Variants in NEMF observed in about 807,000 individuals in gnomAD.
NEMF encodes ribosome quality control complex subunit NEMF.
A neutral mutation model predicts 162.2 loss-of-function variants in NEMF; 89 were observed. The observed-to-expected ratio is 0.55, with a 90% CI of 0.46 to 0.65. The LOEUF (loss-of-function observed/expected upper bound fraction) is 0.65, where lower values mean the gene tolerates loss of function less well. NEMF is among the 30% of genes least tolerant of loss of function. The pLI is 0.00. For missense variants in NEMF, 1,133 were observed against 1,261.9 expected, an observed-to-expected ratio of 0.90 and a Z score of 1.55; for synonymous variants, 421 against 404.5, an observed-to-expected ratio of 1.04 and a Z score of -0.49.
chr14:49,786,003 G>C (rs1264734294), intron 29 of NEMF: 1 of 152,454 alleles, frequency 6.6e-6, no homozygotes, highest in Non-Finnish European at 1.5e-5. Context: ...CTATCACATG[G>C]AAATGGGACT....
Position 49,793,107 on chromosome 14 carries a change from T to C in NEMF, c.2619+2684A>G, listed in dbSNP as rs899501990. ...ACCCAAAGGAAACATCCCGCAATGA[T>C]AAAATCTTAGAAACAGTTCCTGTAA... On this transcript the variant is annotated intron_variant, in intron 26 of 32. Coordinates refer to ENST00000298310, the MANE Select transcript of NEMF (RefSeq NM_004713.6). Among the ~76,000 whole-genome samples, 4 of 152,144 alleles carry C rather than the reference T, an allele frequency of 2.6e-5. No homozygotes were observed. The East Asian group carries it at 7.7e-4, about 29-fold the overall frequency.
intron 16 of NEMF, among the ~76,000 whole-genome samples, chr14:49,824,843 A>C (rs1892260519): frequency 6.6e-6 from 1 of 152,214 alleles, no homozygotes; most frequent in African/African-American, 2.4e-5. Flanking sequence ...CCAAGAAAGA[A>C]GTATGAGATC....
rs1047509867 is a variant in NEMF, at chr14:49,784,988, C to T, written c.3090G>A (p.Leu1030=). ...CTTCTTTGGAATGCATGAAACTATT[C>T]AAGGCTGTTTTTGCAGCTGTAAATA... ...QKKGKAAKTA[L]NSFMHSKEAT... is the part of the protein sequence containing the mutation. Residue 1030 remains leucine, a synonymous_variant, in exon 32 of 33, where the codon TTG becomes TTA. Coordinates refer to ENST00000298310, the MANE Select transcript of NEMF (RefSeq NM_004713.6). 1.2e-6 allele frequency: 2 copies of T among 1,613,834 alleles called. No homozygotes were observed. Among genetic ancestry groups the T allele is most frequent in the Admixed American group, 1.7e-5 (1 of 59,984 alleles).
intron 20 of NEMF, 124 bp from the exon 21 acceptor site, chr14:49,802,851 C>T: frequency 8.7e-6 from 6 of 688,452 alleles, no homozygotes; most frequent in Non-Finnish European, 1.5e-5. Context: ...TTTACTATGT[C>T]AAGAATAACA....
intron 19 of NEMF, among the ~76,000 whole-genome samples, chr14:49,804,470 G>A (rs1213658661): frequency 1.3e-5 from 2 of 151,298 alleles, no homozygotes; most frequent in Non-Finnish European, 2.9e-5. Flanking sequence ...GAGGTCAGGA[G>A]TTCAAGACCA....
rs1453344737 is a variant in NEMF at position 49,800,630 on chromosome 14, A to C, written c.2162T>G (p.Met721Arg). ...GATATCCTCTTGGTCAACCTGAGTC[A>C]TGAGTTCTACTTCCACAGGAGTTTC... ...EHETPVEVEL[M>R]TQVDQEDITL... Residue 721 changes from methionine (M) to arginine (R), a missense_variant, in exon 23 of 33, where the codon ATG becomes AGG. Coordinates refer to ENST00000298310, the MANE Select transcript of NEMF (RefSeq NM_004713.6). 6.2e-7 allele frequency: 1 copy of C among 1,613,952 alleles called. No homozygotes were observed. The highest frequency in any genetic ancestry group is 8.5e-7 in the Non-Finnish European group (1 of 1,179,898).
At chr14:49,788,004 G>A (rs966742807) in intron 28 of NEMF, among the ~76,000 whole-genome samples, 7 of 152,034 alleles carry the variant, frequency 4.6e-5, no homozygotes, top group African/African-American at 1.4e-4. Context: ...AACAGGCTGG[G>A]CATGTGTCTT....
chr14:49,821,854 T>C (rs959108928), intron 16 of NEMF, among the ~76,000 whole-genome samples: 2 of 151,946 alleles, frequency 1.3e-5, no homozygotes, highest in African/African-American at 4.8e-5. Context: ...AATGGCGGTT[T>C]TGTGGAATAG....
At position 49,831,198 on chromosome 14, in the gene NEMF, ACTT is replaced by A. The variant is rs1892616962; in HGVS notation, c.945+98_945+100del. 6 of 683,752 alleles carry A rather than the reference ACTT, an allele frequency of 8.8e-6. No homozygotes were observed. The East Asian group carries it at 1.3e-4, about 15-fold the overall frequency. 42.4% of individuals were successfully genotyped at this position (683,752 alleles called of 1,614,324 possible). A position where few individuals can be genotyped will look rare whatever the true frequency, so the allele number is the denominator to read the frequency against. On this transcript the variant is annotated intron_variant, in intron 11 of 32. Coordinates refer to ENST00000298310, the MANE Select transcript of NEMF (RefSeq NM_004713.6). ...AGGCAGGTCAGAGAGTTCCCATACT[ACTT>A]CTTACACTCTTTCTGAAAGGCTACC...
At chr14:49,790,755 CTGGGTAGG>C (rs1890401686) in intron 26 of NEMF, among the ~76,000 whole-genome samples, 1 of 152,094 alleles carries the variant, frequency 6.6e-6, no homozygotes, top group African/African-American at 2.4e-5. Flanking sequence ...TTTGGGAGGT[CTGGGTAGG>C]TGGATCACCT....
intron 1 of NEMF, among the ~76,000 whole-genome samples, chr14:49,852,157 A>C (rs546887369): frequency 1.7e-5 from 2 of 115,676 alleles, no homozygotes; most frequent in Admixed American, 2.1e-4. Context: ...TAATCCAATT[A>C]ATTTATTACA....
At chr14:49,814,609 C>T in intron 17 of NEMF, 145 bp downstream of exon 17, 1 of 551,836 alleles carries the variant, frequency 1.8e-6, no homozygotes, top group Middle Eastern at 4.7e-4. Flanking sequence ...ACATATGCAA[C>T]AAACCATGAA....
chr14:49,830,205 C>T (rs1020094731), intron 11 of NEMF, among the ~76,000 whole-genome samples: 1 of 152,024 alleles, frequency 6.6e-6, no homozygotes, highest in Non-Finnish European at 1.5e-5. Flanking sequence ...AAAATAATTA[C>T]CAAAATAAAT....
At chr14:49,842,069 C>A (rs986946436) in intron 4 of NEMF, among the ~76,000 whole-genome samples, 1 of 151,428 alleles carries the variant, frequency 6.6e-6, no homozygotes, top group Non-Finnish European at 1.5e-5. Flanking sequence ...CACGCCATTG[C>A]ACTCCAGCCT....
intron 26 of NEMF, 138 bp from the exon 27 acceptor site, chr14:49,789,711 G>A (rs1890352563): frequency 8.0e-7 from 1 of 1,243,634 alleles, no homozygotes; most frequent in South Asian, 1.6e-5. Flanking sequence ...TAAACAATAT[G>A]AAGGCTACAA....
chr14:49,841,857 G>T (rs956635334), intron 4 of NEMF, among the ~76,000 whole-genome samples: 1 of 152,252 alleles, frequency 6.6e-6, no homozygotes, highest in Non-Finnish European at 1.5e-5. Flanking sequence ...TGTAATCCCA[G>T]CACTGTGGGA....
chr14:49,851,213 C>A (rs1211785300), intron 3 of NEMF, among the ~76,000 whole-genome samples: 1 of 151,784 alleles, frequency 6.6e-6, no homozygotes. Context: ...CAAAAACGAA[C>A]AAAAAAACAA....
At chr14:49,815,178 T>C (rs1274350837) in intron 16 of NEMF, among the ~76,000 whole-genome samples, 1 of 152,230 alleles carries the variant, frequency 6.6e-6, no homozygotes, top group Non-Finnish European at 1.5e-5. Flanking sequence ...AGGTTTAGCT[T>C]TCTTTTAGTG....
intron 16 of NEMF, among the ~76,000 whole-genome samples, chr14:49,822,390 G>A (rs1029896771): frequency 1.5e-4 from 23 of 150,414 alleles, no homozygotes; most frequent in Middle Eastern, 3.4e-3. Context: ...GCATGGTGGC[G>A]CACACCTGTA....
Sources: gnomAD v4.1 joint callset for allele counts (sites outside exome capture counted in the v4.1 genomes callset) on GRCh38, gnomAD v4.1.1 for gene constraint, MANE v1.5 for transcripts, NCBI Gene and HGNC (gene_info 2026-07-23, HGNC 2026-07-21) for gene names.